Variants in CFAP44 observed in about 807,000 individuals in gnomAD.
CFAP44 encodes the protein cilia- and flagella-associated protein 44.
A neutral mutation model predicts 216.2 loss-of-function variants in CFAP44; 134 were observed. That is an observed-to-expected ratio of 0.62 (90% CI 0.54 to 0.72). CFAP44 has a LOEUF of 0.72. Ranked by LOEUF, CFAP44 falls within the 30% of genes least tolerant of loss-of-function variation. The pLI is 0.00. For synonymous variants in CFAP44, 700 were observed against 727.6 expected (o/e 0.96, Z 0.61); for missense variants, 2,035 against 2,182.1 (o/e 0.93, Z 1.34).
At chr3:113,433,508 T>C in intron 2 of CFAP44, 57 bp downstream of exon 2, 1 of 1,075,298 alleles carries the variant, frequency 9.3e-7, no homozygotes, top group Non-Finnish European at 1.3e-6. Context: ...AAATTAATTA[T>C]TTAAATGTTT....
In CFAP44 at chr3:113,287,797, A is replaced by G. The variant is rs1382966589; in HGVS notation, c.*3760T>C. The G allele has an allele frequency of 2.0e-5, 3 of 152,232 alleles. No individual in the cohort carries two copies. The highest frequency in any genetic ancestry group is 4.8e-5 in the African/African-American group (2 of 41,442). The allele number at this position is 152,232 out of a possible 1,614,324, so 9.4% of individuals were successfully genotyped here. ...TATATAGGTGTGTGTTGAAGACCAA[A>G]TATTTTCTCCAAAATACTGTTTAGC... is the stretch of plus-strand genomic sequence containing the variant. On this transcript the variant is annotated 3_prime_UTR_variant, in exon 35 of 35. Transcript: ENST00000393845.
At chr3:113,374,396 T>TTTATTTAC in intron 17 of CFAP44, among the ~76,000 whole-genome samples, 1 of 149,008 alleles carries the variant, frequency 6.7e-6, no homozygotes, top group East Asian at 2.0e-4. Flanking sequence ...TATTTATTTA[T>TTTATTTAC]TTATTATTAT....
intron 29 of CFAP44, among the ~76,000 whole-genome samples, chr3:113,307,785 C>T (rs576146853): frequency 4.6e-5 from 7 of 152,200 alleles, no homozygotes; most frequent in South Asian, 4.2e-4. Context: ...CTGGCTAACA[C>T]GGTGAAACCC....
chr3:113,327,808 C>A lies in CFAP44; in HGVS notation c.4128G>T (p.Leu1376=), dbSNP rs1307183812. The change falls in exon 27 of 35, where the codon CTG becomes CTT. Residue 1376 remains leucine (L), a synonymous_variant. Coordinates refer to ENST00000393845, the MANE Select transcript of CFAP44 (RefSeq NM_001164496.2). ...QQYLVNRIKE[L]VVTFDAELRL... is the part of the protein sequence containing the mutation. ...GGAGTTCTGCATCGAAAGTGACAACCAGTTCTTTGATCTGAGATGGAAAAA... is the reference window on the plus strand; with the variant it reads ...GGAGTTCTGCATCGAAAGTGACAACAAGTTCTTTGATCTGAGATGGAAAAA... The A allele has an allele frequency of 3.3e-6, 5 of 1,536,554 alleles. No homozygotes were observed. Among genetic ancestry groups the A allele is most frequent in the Non-Finnish European group, 4.4e-6 (5 of 1,146,576 alleles).
chr3:113,364,183 G>A (rs1950567435), intron 19 of CFAP44, among the ~76,000 whole-genome samples: 1 of 152,102 alleles, frequency 6.6e-6, no homozygotes, highest in Non-Finnish European at 1.5e-5. Context: ...GCTGTAAAAT[G>A]TCTTAGTCTG....
At chr3:113,378,962 C>T (rs56772417) in intron 17 of CFAP44, among the ~76,000 whole-genome samples, 4,381 of 152,174 alleles carry the variant, frequency 0.029, 109 homozygotes, top group East Asian at 0.1. Context: ...TGGAAAAACC[C>T]CTAGCCTTTT....
intron 28 of CFAP44, among the ~76,000 whole-genome samples, chr3:113,312,420 A>G (rs1278219962): frequency 6.6e-6 from 1 of 151,906 alleles, no homozygotes. Context: ...CAGAGCATAA[A>G]AGTTTGGAAA....
chr3:113,303,946 C>A lies in CFAP44; in HGVS notation c.5047G>T (p.Glu1683Ter). Residue 1683 changes from glutamate to a stop codon, truncating the protein, a stop_gained, in exon 32 of 35, where the codon GAA (glutamate) becomes TAA (stop). Coordinates refer to ENST00000393845, the MANE Select transcript of CFAP44 (RefSeq NM_001164496.2). LOFTEE classifies it high-confidence loss of function. ...WRERRKQLIR[E>*]KREMTKTIHK... ...ATGGTTTTTGTCATTTCTCTCTTTT[C>A]TCGGATGAGCTGTTTACGTCTCTCT... 1 of 1,537,658 alleles carries A rather than the reference C, an allele frequency of 6.5e-7. No individual in the cohort carries two copies. The highest frequency in any genetic ancestry group is 8.7e-7 in the Non-Finnish European group (1 of 1,146,982).
rs202039075 is a variant in CFAP44, at chr3:113,401,229, A to G, written c.1374+11T>C. On this transcript the variant is annotated intron_variant, in intron 11 of 34. Transcript: ENST00000393845. The stretch of plus-strand genomic sequence containing the variant: ...AAAGTTAGGAGAAAATAAGAATAAT[A>G]GGCAACTTACAATATTTGAAAAACT... 27 of 1,579,938 alleles carry G rather than the reference A, an allele frequency of 1.7e-5. No homozygotes were observed. Among genetic ancestry groups the G allele is most frequent in the Non-Finnish European group, 2.2e-5 (26 of 1,167,966 alleles).
At chr3:113,421,968 G>C (rs541364569) in intron 4 of CFAP44, among the ~76,000 whole-genome samples, 7 of 152,104 alleles carry the variant, frequency 4.6e-5, no homozygotes, top group Non-Finnish European at 8.8e-5. Context: ...ACCTGCATGT[G>C]TACCCTCTGT....
intron 34 of CFAP44, among the ~76,000 whole-genome samples, chr3:113,293,500 G>A (rs140627216): frequency 3.0e-4 from 45 of 152,304 alleles, no homozygotes; most frequent in African/African-American, 1.0e-3. Context: ...TGTGTAAAGA[G>A]ACAGATAACT....
At chr3:113,354,149 G>A (rs950870918) in intron 22 of CFAP44, among the ~76,000 whole-genome samples, 3 of 152,046 alleles carry the variant, frequency 2.0e-5, no homozygotes. Context: ...CTCAAGAATA[G>A]TTAAAAGTAT....
At chr3:113,396,140 C>T (rs1252731349) in intron 14 of CFAP44, among the ~76,000 whole-genome samples, 1 of 152,096 alleles carries the variant, frequency 6.6e-6, no homozygotes, top group Non-Finnish European at 1.5e-5. Flanking sequence ...CCTATTAGTG[C>T]ATAAAGAATT....
At chr3:113,387,051 C>T (rs1933669857) in intron 15 of CFAP44, among the ~76,000 whole-genome samples, 1 of 152,202 alleles carries the variant, frequency 6.6e-6, no homozygotes, top group Non-Finnish European at 1.5e-5. Flanking sequence ...TTCTGGTAAG[C>T]CTCACCACCA....
chr3:113,332,988 G>C (rs1249030728), intron 25 of CFAP44, among the ~76,000 whole-genome samples: 1 of 152,128 alleles, frequency 6.6e-6, no homozygotes, highest in Non-Finnish European at 1.5e-5. Context: ...GGAGTCTTCT[G>C]AGAAATGCTA....
At position 113,330,465 on chromosome 3, in the gene CFAP44, T is replaced by G. The variant is rs1950230570; in HGVS notation, c.3819A>C (p.Glu1273Asp). 3 of 1,537,278 alleles carry G rather than the reference T, an allele frequency of 2.0e-6. No individual in the cohort carries two copies. The highest frequency in any genetic ancestry group is 2.6e-6 in the Non-Finnish European group (3 of 1,146,910). The change falls in exon 26 of 35, where the codon GAA (glutamate) becomes GAC (aspartate). Residue 1273 changes from glutamate to aspartate, a missense_variant. Physicochemically the swap from Glu to Asp is conservative, Grantham distance 45. Transcript: ENST00000393845. ...EVPEKRFQYDEETLLNFKQQQ... is the reference protein window; with the variant it reads ...EVPEKRFQYDDETLLNFKQQQ... The stretch of plus-strand genomic sequence containing the variant: ...GTTGCTTAAAATTTAGGAGAGTTTC[T>G]TCATCATACTGAAATCTCTTTTCTG...
At chr3:113,385,763 C>T (rs903803278) in intron 15 of CFAP44, among the ~76,000 whole-genome samples, 1 of 152,002 alleles carries the variant, frequency 6.6e-6, no homozygotes, top group Non-Finnish European at 1.5e-5. Context: ...CCTCAGCCTC[C>T]CCAGTAGCTG....
At chr3:113,294,449 A>G (rs893842313) in intron 34 of CFAP44, 1 of 456,668 alleles carries the variant, frequency 2.2e-6, no homozygotes, top group Non-Finnish European at 3.8e-6. Context: ...AGGCAATTCT[A>G]TTGATTAGTA....
At chr3:113,373,291 TA>T in intron 18 of CFAP44, 119 bp downstream of exon 18, 1 of 1,002,478 alleles carries the variant, frequency 1.0e-6, no homozygotes, top group Non-Finnish European at 1.3e-6. Context: ...TTTAACCAAA[TA>T]TTTTTTGAGT....
Sources: allele counts gnomAD v4.1 joint callset (sites outside exome capture counted in the v4.1 genomes callset), GRCh38; gene constraint gnomAD v4.1.1; transcripts MANE v1.5; gene names NCBI Gene and HGNC (gene_info 2026-07-23, HGNC 2026-07-21).